NAXD: variants seen among roughly 807,000 people sequenced by gnomAD.
NAXD encodes NAD(P)HX dehydratase.
NAXD carries 22 observed loss-of-function variants against 35.8 expected under a neutral mutation model. The observed-to-expected ratio is 0.62, with a 90% CI of 0.44 to 0.88. The LOEUF is 0.88. Among genes scored for constraint, NAXD ranks in the 40% least tolerant of loss-of-function variants. The probability of loss-of-function intolerance (pLI) is 0.00; values close to 1 mark genes in which losing one functional copy is unlikely to be tolerated. For synonymous variants in NAXD, 189 were observed against 177.6 expected (o/e 1.06, Z -0.51); for missense variants, 428 against 437.7 (o/e 0.98, Z 0.20).
intron 7 of NAXD, 21 bp from the exon 8 acceptor site, chr13:110,635,447 T>C (rs1243709282): frequency 1.9e-6 from 3 of 1,608,884 alleles, no homozygotes; most frequent in Middle Eastern, 1.7e-4. Context: ...GCTTTTTCTC[T>C]GTCTTCCTGT....
chr13:110,626,810 G>A (rs1243286018), intron 4 of NAXD, among the ~76,000 whole-genome samples: 1 of 152,204 alleles, frequency 6.6e-6, no homozygotes, highest in Non-Finnish European at 1.5e-5. Flanking sequence ...TGGGCTCTAG[G>A]AGAGGTCACA....
At chr13:110,622,952 G>C (rs557322268) in intron 2 of NAXD, among the ~76,000 whole-genome samples, 1 of 152,044 alleles carries the variant, frequency 6.6e-6, no homozygotes, top group Non-Finnish European at 1.5e-5. Context: ...GCTGTTGATC[G>C]TGCCATAGGG....
At chr13:110,636,769 G>A (rs917267556) in intron 8 of NAXD, among the ~76,000 whole-genome samples, 9 of 152,244 alleles carry the variant, frequency 5.9e-5, no homozygotes, top group East Asian at 1.9e-4. Context: ...TGAGGGCTCC[G>A]TCCCTGGGAG....
chr13:110,624,102 C>T, intron 2 of NAXD, 132 bp from the exon 3 acceptor site: 1 of 591,070 alleles, frequency 1.7e-6, no homozygotes, highest in East Asian at 2.8e-5. Flanking sequence ...CTGTGTGCTT[C>T]ATGTCTCTGT....
chr13:110,617,996 G>A (rs1045260748), intron 1 of NAXD, among the ~76,000 whole-genome samples: 3 of 152,310 alleles, frequency 2.0e-5, no homozygotes, highest in African/African-American at 7.2e-5. Context: ...TGGGCAGGCA[G>A]TAGTAGGGTG....
intron 5 of NAXD, among the ~76,000 whole-genome samples, chr13:110,632,229 T>TCTGGAGTTGTTC (rs2139646978): frequency 6.6e-6 from 1 of 151,448 alleles, no homozygotes; most frequent in South Asian, 2.1e-4. Flanking sequence ...AGGCAGCGCG[T>TCTGGAGTTGTTC]CTGGAGTTGT....
Position 110,638,778 on chromosome 13 carries a change from A to G in NAXD, c.*250A>G, listed in dbSNP as rs1887047366. 2 of 655,492 alleles carry G rather than the reference A, an allele frequency of 3.1e-6. No homozygotes were observed. The highest frequency in any genetic ancestry group is 5.6e-6 in the Non-Finnish European group (2 of 356,848). 40.6% of individuals were successfully genotyped at this position (655,492 alleles called of 1,614,324 possible). A position where few individuals can be genotyped will look rare whatever the true frequency, so the allele number is the denominator to read the frequency against. The stretch of plus-strand genomic sequence containing the variant: ...CCTGAACTTTCCTTAGCTCCTTGGT[A>G]GTAACTGGGAAGACAGAAATGAAGA... On this transcript the variant is annotated 3_prime_UTR_variant, in exon 10 of 10. Coordinates refer to ENST00000680254, the MANE Select transcript of NAXD (RefSeq NM_001242882.2). This position sits in a 1 kb window ranked among gnomAD's most constrained non-coding sequence, Gnocchi z 5.4.
intron 5 of NAXD, among the ~76,000 whole-genome samples, chr13:110,631,645 A>G (rs1307649531): frequency 6.6e-6 from 1 of 152,250 alleles, no homozygotes; most frequent in Non-Finnish European, 1.5e-5. Flanking sequence ...GTTGCCAAAT[A>G]CTGCAACATG....
intron 1 of NAXD, among the ~76,000 whole-genome samples, chr13:110,620,638 G>C (rs1886229011): frequency 6.6e-6 from 1 of 151,858 alleles, no homozygotes; most frequent in Non-Finnish European, 1.5e-5. Flanking sequence ...TTTTATCTTG[G>C]GGAATCCCAG....
chr13:110,626,856 G>C (rs182445397), intron 4 of NAXD, among the ~76,000 whole-genome samples: 9 of 152,370 alleles, frequency 5.9e-5, no homozygotes, highest in African/African-American at 9.6e-5. Context: ...GCAAACCCCT[G>C]CCCTGTTCTG....
intron 4 of NAXD, 60 bp from the exon 5 acceptor site, chr13:110,627,379 A>C: frequency 9.6e-7 from 1 of 1,039,866 alleles, no homozygotes. Context: ...AAACAAATAC[A>C]TGACAGTAAG....
rs999561939 is a variant in NAXD, at chr13:110,639,538, T to C, written c.*1010T>C. ...CTGCGGTTTCAGCCAACACTCTTCA[T>C]GGCAGTGTCGACCTCGGGTTAGCTT... is the stretch of plus-strand genomic sequence containing the variant. On this transcript the variant is annotated 3_prime_UTR_variant, in exon 10 of 10. Transcript: ENST00000680254. 2 of 152,294 alleles carry C rather than the reference T, an allele frequency of 1.3e-5. No individual in the cohort carries two copies. Among genetic ancestry groups the C allele is most frequent in the Non-Finnish European group, 2.9e-5 (2 of 68,082 alleles). The allele number at this position is 152,294 out of a possible 1,614,324, so 9.4% of individuals were successfully genotyped here. A position where few individuals can be genotyped will look rare whatever the true frequency, so the allele number is the denominator to read the frequency against.
In NAXD at chr13:110,635,478, C is replaced by T; in HGVS notation, c.608C>T (p.Pro203Leu). Residue 203 changes from proline to leucine, a missense_variant, in exon 8 of 10, where the codon CCT (proline) becomes CTT (leucine). Physicochemically the swap from Pro to Leu is moderately conservative, Grantham distance 98. This residue lies in a region of NAXD where 209 missense variants were observed against 214.6 expected (regional missense o/e 0.97). Coordinates refer to ENST00000680254, the MANE Select transcript of NAXD (RefSeq NM_001242882.2). ...CCTGTGTTGTCATAGCTCAGAGGCC[C>T]TATGGACAGCGATGACAGCCATGGA... ...SRLYDAVLRG[P>L]MDSDDSHGSV... is the part of the protein sequence containing the mutation. 9 of 1,614,052 alleles carry T rather than the reference C, an allele frequency of 5.6e-6. No homozygotes were observed. Among genetic ancestry groups the T allele is most frequent in the Non-Finnish European group, 7.6e-6 (9 of 1,179,954 alleles).
intron 1 of NAXD, 126 bp downstream of exon 1, chr13:110,615,773 A>G (rs1360756857): frequency 1.2e-5 from 17 of 1,394,518 alleles, no homozygotes; most frequent in Admixed American, 2.9e-5. Flanking sequence ...CACTGGACGC[A>G]GGTACCCGAC....
chr13:110,635,685 C>T lies in NAXD; in HGVS notation c.718+97C>T, dbSNP rs146651478. On this transcript the variant is annotated intron_variant, in intron 8 of 9. Transcript: ENST00000680254. ...CTGGAAGACCTCTCCCGTGCACACCCGTGTTCACACACATTCACACAGGGA... is the reference window on the plus strand; with the variant it reads ...CTGGAAGACCTCTCCCGTGCACACCTGTGTTCACACACATTCACACAGGGA... The T allele has an allele frequency of 1.3e-3, 1,702 of 1,352,344 alleles. 14 individuals are homozygous for T. The African/African-American group carries it at 0.02, about 16-fold the overall frequency. The allele number at this position is 1,352,344 out of a possible 1,614,324, so 83.8% of individuals were successfully genotyped here.
intron 8 of NAXD, among the ~76,000 whole-genome samples, chr13:110,636,909 C>T (rs1480046847): frequency 6.6e-6 from 1 of 152,210 alleles, no homozygotes; most frequent in Admixed American, 6.5e-5. Flanking sequence ...GGGGCAGCCT[C>T]ACCACTGCGT....
intron 5 of NAXD, among the ~76,000 whole-genome samples, chr13:110,632,431 C>G (rs565628118): frequency 3.3e-5 from 5 of 152,170 alleles, no homozygotes; most frequent in South Asian, 2.1e-4. Context: ...AATGCTGGCT[C>G]GGGCAGCCTG....
intron 7 of NAXD, among the ~76,000 whole-genome samples, chr13:110,635,121 G>A (rs914339096): frequency 6.6e-6 from 1 of 152,162 alleles, no homozygotes; most frequent in Admixed American, 6.5e-5. Flanking sequence ...ATGTAAAGCC[G>A]TGAGTCCCCA....
Position 110,628,847 on chromosome 13 carries a change from G to A in NAXD, c.441+1300G>A, listed in dbSNP as rs1886598937. 6.6e-6 allele frequency among the ~76,000 whole-genome samples: 1 copy of A among 152,206 alleles called. No homozygotes were observed. Among genetic ancestry groups the A allele is most frequent in the Non-Finnish European group, 1.5e-5 (1 of 68,042 alleles). On this transcript the variant is annotated intron_variant, in intron 5 of 9. Coordinates refer to ENST00000680254, the MANE Select transcript of NAXD (RefSeq NM_001242882.2). This position sits in a 1 kb window ranked among gnomAD's most constrained non-coding sequence, Gnocchi z 4.1. ...GCATCCTGGGGGTGCGGATGAATTA[G>A]AGGTGAACGAGCCAGAGTGCTCTGC...
Sources: allele counts gnomAD v4.1 joint callset (sites outside exome capture counted in the v4.1 genomes callset), GRCh38; gene constraint gnomAD v4.1.1; regional missense constraint gnomAD v4.1.1; non-coding constraint Gnocchi (gnomAD v3.1); transcripts MANE v1.5; gene names NCBI Gene and HGNC (gene_info 2026-07-23, HGNC 2026-07-21).